RTN4: variants seen among roughly 807,000 people sequenced by gnomAD.
RTN4 encodes reticulon 4, also known as reticulon-4.
A neutral mutation model predicts 90.4 loss-of-function variants in RTN4; 32 were observed. The ratio of observed to expected loss-of-function variants is 0.35; its 90% CI spans 0.27 to 0.48. RTN4 has a LOEUF of 0.48. RTN4 is among the 20% of genes least tolerant of loss of function. RTN4 has a pLI of 0.99. For synonymous variants in RTN4, 629 were observed against 552.5 expected (o/e 1.14, Z -1.94); for missense variants, 1,706 against 1,430.2 (o/e 1.19, Z -3.11).
the RTN4 span, among the ~76,000 whole-genome samples, chr2:55,118,986 T>C: frequency 0.58 from 88,321 of 152,108 alleles, 25,738 homozygotes; most frequent in African/African-American, 0.63. Flanking sequence ...GAGGCTGATT[T>C]GTGTGTGAAG....
chr2:55,117,626 G>C, the RTN4 span, among the ~76,000 whole-genome samples: 1 of 152,240 alleles, frequency 6.6e-6, no homozygotes, highest in Non-Finnish European at 1.5e-5. Flanking sequence ...AACAATTGCT[G>C]TGTTAAAAGC....
chr2:55,026,562 T>C lies in RTN4; in HGVS notation c.1537A>G (p.Lys513Glu), dbSNP rs200005008. ...GCTACAAGAAAAGGGTTTGATGTTT[T>C]GGTGCTAGTATTCTTCTCTGTTACT... Reference protein sequence around the residue: ...QIVTEKNTSTKTSNPFLVAAQ... With the variant: ...QIVTEKNTSTETSNPFLVAAQ... Residue 513 changes from lysine (K) to glutamate (E), a missense_variant, in exon 3 of 9, where the codon AAA becomes GAA. Coordinates refer to ENST00000337526, the MANE Select transcript of RTN4 (RefSeq NM_020532.5). 4.2e-5 allele frequency: 67 copies of C among 1,613,340 alleles called. No homozygotes were observed. Among genetic ancestry groups the C allele is most frequent in the African/African-American group, 6.7e-5 (5 of 74,918 alleles).
At chr2:55,113,244 G>C (rs145173450), upstream of RTN4, among the ~76,000 whole-genome samples, 649 of 152,318 alleles carry the variant, frequency 4.3e-3, 2 homozygotes, top group African/African-American at 0.015. Flanking sequence ...TCCTGGGGTG[G>C]GAAAAGGTGT....
intron 8 of RTN4, 136 bp downstream of exon 8, chr2:54,973,426 AT>A: frequency 1.3e-6 from 1 of 788,732 alleles, no homozygotes; most frequent in Non-Finnish European, 2.1e-6. Context: ...TAGAAAAACA[AT>A]CTTTTGGCAA....
At chr2:55,107,754 C>A (rs1667968786) in intron 1 of RTN4, among the ~76,000 whole-genome samples, 1 of 152,056 alleles carries the variant, frequency 6.6e-6, no homozygotes, top group Non-Finnish European at 1.5e-5. Flanking sequence ...ACTCCCCAGA[C>A]AAACAGAGAT....
chr2:55,066,192 TTTGTGTGTG>T (rs1558865067), intron 2 of RTN4, among the ~76,000 whole-genome samples: 203 of 135,662 alleles, frequency 1.5e-3, no homozygotes, highest in Middle Eastern at 0.014. Context: ...TGTGTGTGTG[TTTGTGTGTG>T]TGTGTGTGTG....
Position 55,050,417 on chromosome 2 carries a change from G to C in RTN4, c.-117C>G. On this transcript the variant is annotated 5_prime_UTR_variant, in exon 1 of 9. Transcript: ENST00000337526. This position sits in a 1 kb window ranked among gnomAD's most constrained non-coding sequence, Gnocchi z 4.6. ...TGAGAGGGGCTGGGCCGACTGAGCC[G>C]AGGGACCTACTGTGGTGACGGCTCC... The C allele has an allele frequency of 1.9e-6, 1 of 536,118 alleles. No individual in the cohort carries two copies. Among genetic ancestry groups the C allele is most frequent in the Non-Finnish European group, 3.0e-6 (1 of 330,832 alleles). 33.2% of individuals were successfully genotyped at this position (536,118 alleles called of 1,614,324 possible).
At chr2:55,074,380 G>A (rs1435368122) in intron 2 of RTN4, among the ~76,000 whole-genome samples, 1 of 151,946 alleles carries the variant, frequency 6.6e-6, no homozygotes, top group African/African-American at 2.4e-5. Flanking sequence ...GCACACTCCT[G>A]TAGTCCTAGC....
At chr2:55,049,201 G>A (rs1573476809) in intron 1 of RTN4, 1 of 986,320 alleles carries the variant, frequency 1.0e-6, no homozygotes, top group South Asian at 4.6e-5. Context: ...AGGAGGAGGG[G>A]GAGGGGAAGC....
chr2:55,117,424 G>T (rs1208827777), upstream of RTN4, among the ~76,000 whole-genome samples: 1 of 152,190 alleles, frequency 6.6e-6, no homozygotes, highest in Non-Finnish European at 1.5e-5. Flanking sequence ...CACAGCTAGA[G>T]CCCTGGAGCA....
chr2:54,978,903 T>G (rs566346571), intron 5 of RTN4, among the ~76,000 whole-genome samples: 71 of 152,278 alleles, frequency 4.7e-4, no homozygotes, highest in Middle Eastern at 3.4e-3. Flanking sequence ...TTCCTTATGT[T>G]GAAAAAGTAA....
At chr2:54,998,588 ACT>A (rs1679625444) in intron 3 of RTN4, among the ~76,000 whole-genome samples, 2 of 152,164 alleles carry the variant, frequency 1.3e-5, no homozygotes, top group African/African-American at 4.8e-5. Context: ...AAAAGAAAAC[ACT>A]GTTTTGCAGG....
intron 3 of RTN4, among the ~76,000 whole-genome samples, chr2:55,005,241 T>C (rs1680128325): frequency 6.6e-6 from 1 of 152,162 alleles, no homozygotes; most frequent in Non-Finnish European, 1.5e-5. Flanking sequence ...TAATTTTAAT[T>C]TCGCTGTGAC....
At chr2:55,040,072 T>C (rs2104935019) in intron 1 of RTN4, among the ~76,000 whole-genome samples, 1 of 152,332 alleles carries the variant, frequency 6.6e-6, no homozygotes, top group African/African-American at 2.4e-5. Flanking sequence ...CTTATAGCCC[T>C]AATCCTTATG....
intron 4 of RTN4, among the ~76,000 whole-genome samples, chr2:54,982,912 G>A (rs1678259506): frequency 6.6e-6 from 1 of 152,026 alleles, no homozygotes; most frequent in Non-Finnish European, 1.5e-5. Context: ...CCACTTACCT[G>A]GCTAGGTAAT....
intron 3 of RTN4, among the ~76,000 whole-genome samples, chr2:55,005,428 A>G (rs1042883522): frequency 3.3e-5 from 5 of 152,222 alleles, no homozygotes; most frequent in Admixed American, 2.6e-4. Context: ...CGAAATAGCT[A>G]TCTTAGAGTA....
chr2:54,983,694 T>G (rs1368545718), intron 4 of RTN4, among the ~76,000 whole-genome samples: 1 of 152,218 alleles, frequency 6.6e-6, no homozygotes, highest in Non-Finnish European at 1.5e-5. Flanking sequence ...AACCAATCTC[T>G]GATCTGCCTG....
In RTN4 at chr2:55,096,274, C is replaced by T. The variant is rs988970399; in HGVS notation, c.-213-15635G>A. Among the ~76,000 whole-genome samples, 54 of 151,598 alleles carry T rather than the reference C, an allele frequency of 3.6e-4. 1 individual carries two copies. The highest frequency in any genetic ancestry group is 1.2e-3 in the African/African-American group (50 of 41,276). On this transcript the variant is annotated intron_variant, in intron 1 of 3. Transcript: ENST00000427710. ...CCGGGAGGCGGAGGTTGCTGTGAGC[C>T]AATATCACACCATTGCACTCCAGCC...
intron 1 of RTN4, 138 bp from the exon 2 acceptor site, chr2:55,028,358 G>A: frequency 1.6e-6 from 1 of 635,742 alleles, no homozygotes; most frequent in Non-Finnish European, 2.7e-6. Flanking sequence ...AGATCAAAAG[G>A]AAGTCAGAAA....
Sources: allele counts gnomAD v4.1 joint callset (sites outside exome capture counted in the v4.1 genomes callset), GRCh38; gene constraint gnomAD v4.1.1; non-coding constraint Gnocchi (gnomAD v3.1); transcripts MANE v1.5; gene names NCBI Gene and HGNC (gene_info 2026-07-23, HGNC 2026-07-21).